PYGB: variants seen among roughly 807,000 people sequenced by gnomAD.
PYGB encodes the protein glycogen phosphorylase B.
A neutral mutation model predicts 94.3 loss-of-function variants in PYGB; 82 were observed. The observed-to-expected ratio is 0.87, with a 90% CI of 0.73 to 1.04. The LOEUF is 1.04. Among genes scored for constraint, PYGB ranks in the 50% least tolerant of loss-of-function variants. PYGB has a pLI of 0.00. For synonymous variants in PYGB, 488 were observed against 479.1 expected, an observed-to-expected ratio of 1.02 and a Z score of -0.24; for missense variants, 1,132 against 1,158.2, an observed-to-expected ratio of 0.98 and a Z score of 0.33.
At position 25,274,696 on chromosome 20, in the gene PYGB, C is replaced by A; in HGVS notation, c.633C>A (p.Pro211=). Residue 211 remains proline, a synonymous_variant, in exon 5 of 20, where the codon CCC becomes CCA. Coordinates refer to ENST00000216962, the MANE Select transcript of PYGB (RefSeq NM_002862.4). ...TCTACGGACGCGTGGAGCACACCCC[C>A]GACGGCGTGAAGTGGCTGGACACAC... ...VHFYGRVEHT[P]DGVKWLDTQV... The A allele has an allele frequency of 6.2e-7, 1 of 1,613,458 alleles. No homozygotes were observed. The highest frequency in any genetic ancestry group is 8.5e-7 in the Non-Finnish European group (1 of 1,179,946).
At chr20:25,276,092 A>G (rs1362680464) in intron 5 of PYGB, among the ~76,000 whole-genome samples, 2 of 151,878 alleles carry the variant, frequency 1.3e-5, no homozygotes, top group East Asian at 3.9e-4. Flanking sequence ...CTTGTCAAGG[A>G]GAGAGGGAGC....
intron 9 of PYGB, among the ~76,000 whole-genome samples, 181 bp downstream of exon 9, chr20:25,279,330 C>T (rs2088344785): frequency 6.6e-6 from 1 of 151,954 alleles, no homozygotes; most frequent in African/African-American, 2.4e-5. Flanking sequence ...GTTCCGGGGG[C>T]CAGAGTATGG....
intron 1 of PYGB, among the ~76,000 whole-genome samples, chr20:25,249,429 AC>A (rs2092881414): frequency 6.6e-6 from 1 of 152,216 alleles, no homozygotes; most frequent in African/African-American, 2.4e-5. Flanking sequence ...TCTTTCTACT[AC>A]ACTAACGTAG....
chr20:25,295,545 G>T, intron 18 of PYGB, 59 bp from the exon 19 acceptor site: 1 of 1,552,106 alleles, frequency 6.4e-7, no homozygotes, highest in South Asian at 1.1e-5. Context: ...CTCTCCCCTC[G>T]GGACAGTGTG....
intron 4 of PYGB, among the ~76,000 whole-genome samples, chr20:25,274,141 C>T (rs2088290163): frequency 6.6e-6 from 1 of 152,196 alleles, no homozygotes; most frequent in African/African-American, 2.4e-5. Flanking sequence ...CATTTTCATC[C>T]CTCCAGAAAG....
chr20:25,278,170 G>C, intron 7 of PYGB, 149 bp from the exon 8 acceptor site: 1 of 869,126 alleles, frequency 1.2e-6, no homozygotes, highest in Non-Finnish European at 1.7e-6. Context: ...AGTGACCTGA[G>C]GGCACACAGG....
chr20:25,285,176 G>T (rs113485274), intron 14 of PYGB: 1 of 152,188 alleles, frequency 6.6e-6, no homozygotes, highest in South Asian at 2.1e-4. Context: ...CCCCTCTGCC[G>T]TGTGGGCACC....
intron 11 of PYGB, among the ~76,000 whole-genome samples, chr20:25,281,634 G>A (rs1244707032): frequency 6.6e-6 from 1 of 152,212 alleles, no homozygotes; most frequent in Non-Finnish European, 1.5e-5. Context: ...GGCTCTGTGC[G>A]TGGCGCCCGC....
chr20:25,267,593 C>T (rs2387734), intron 2 of PYGB, among the ~76,000 whole-genome samples: 9,873 of 152,132 alleles, frequency 0.065, 990 homozygotes, highest in African/African-American at 0.22. Flanking sequence ...TGCAATGATA[C>T]GATCACGGCT....
At chr20:25,257,937 C>A (rs923752823) in intron 1 of PYGB, among the ~76,000 whole-genome samples, 1 of 152,122 alleles carries the variant, frequency 6.6e-6, no homozygotes, top group African/African-American at 2.4e-5. Context: ...AAATAAAATC[C>A]AGCATGATGA....
At chr20:25,256,001 G>A (rs1337931946) in intron 1 of PYGB, among the ~76,000 whole-genome samples, 1 of 152,140 alleles carries the variant, frequency 6.6e-6, no homozygotes, top group Non-Finnish European at 1.5e-5. Context: ...CCAAAGTGCT[G>A]GGATTATAGG....
intron 2 of PYGB, among the ~76,000 whole-genome samples, chr20:25,265,353 A>G (rs1340367750): frequency 6.6e-6 from 1 of 152,186 alleles, no homozygotes; most frequent in Non-Finnish European, 1.5e-5. Context: ...TACCAAAAGG[A>G]CACAAGAGTT....
chr20:25,295,715 C>A (rs779770864), intron 19 of PYGB, 45 bp downstream of exon 19: 1 of 1,543,012 alleles, frequency 6.5e-7, no homozygotes, highest in South Asian at 1.1e-5. Context: ...CTGGGTGGGT[C>A]CATGTAGACG....
In PYGB at chr20:25,278,478, G is replaced by A. The variant is rs756036397; in HGVS notation, c.999+16G>A. 6 of 1,613,142 alleles carry A rather than the reference G, an allele frequency of 3.7e-6. No homozygotes were observed. In the Admixed American group the frequency reaches 1.0e-4, roughly 27 times the overall value. On this transcript the variant is annotated intron_variant, in intron 8 of 19. Transcript: ENST00000216962. ...CCCAGACAAGGTGCATGGTGGCCCT[G>A]GGAGGGATCTCAGTGCCAGGGGCTG...
chr20:25,284,084 T>C lies in PYGB; in HGVS notation c.1621-20T>C, dbSNP rs149046592. On this transcript the variant is annotated intron_variant, in intron 13 of 19. Transcript: ENST00000216962. ...AGTCCTGGTGAAGTCTCCAGCCATCTTTCCCTTTCACCCTCCCAGGAGAAC... is the reference window on the plus strand; with the variant it reads ...AGTCCTGGTGAAGTCTCCAGCCATCCTTCCCTTTCACCCTCCCAGGAGAAC... 560 of 1,612,150 alleles carry C rather than the reference T, an allele frequency of 3.5e-4. 3 individuals carry two copies. In the African/African-American group the frequency reaches 4.4e-3, roughly 13 times the overall value.
chr20:25,248,450 G>T, intron 1 of PYGB, 29 bp downstream of exon 1: 1 of 1,349,980 alleles, frequency 7.4e-7, no homozygotes, highest in Non-Finnish European at 9.6e-7. Context: ...CTGTGCGCCC[G>T]TGCCCGCTGA....
intron 5 of PYGB, among the ~76,000 whole-genome samples, chr20:25,275,984 G>A (rs948773124): frequency 2.0e-5 from 3 of 152,244 alleles, no homozygotes; most frequent in Non-Finnish European, 4.4e-5. Context: ...TGCGCCTGCC[G>A]GGGAGCTGGG....
Position 25,280,294 on chromosome 20 carries a change from C to T in PYGB, c.1121C>T (p.Ala374Val), listed in dbSNP as rs540251614. 5 of 1,614,064 alleles carry T rather than the reference C, an allele frequency of 3.1e-6. No individual in the cohort carries two copies. Among genetic ancestry groups the T allele is most frequent in the Non-Finnish European group, 4.2e-6 (5 of 1,179,994 alleles). Residue 374 changes from alanine to valine, a missense_variant, in exon 10 of 20, where the codon GCA (alanine) becomes GTA (valine). Ala to Val is a moderately conservative substitution (Grantham distance 64, BLOSUM62 0). Transcript: ENST00000216962. The stretch of plus-strand genomic sequence containing the variant: ...TGGGAAATCACGAAGAAGACCTGTG[C>T]ATACACCAACCACACTGTGCTGCCT... ...KAWEITKKTC[A>V]YTNHTVLPEA... is the part of the protein sequence containing the mutation.
chr20:25,285,991 TAAC>T lies in PYGB; in HGVS notation c.1768+1741_1768+1743del, dbSNP rs2088414816. Among the ~76,000 whole-genome samples the T allele has an allele frequency of 2.0e-5, 3 of 152,222 alleles. No homozygotes were observed. In the South Asian group the frequency reaches 6.2e-4, roughly 32 times the overall value. ...TCGGTTTGGCTGAAGATGCCAGTCT[TAAC>T]TCCACTTCCTTCCCCCAGTGCTTTT... On this transcript the variant is annotated intron_variant, in intron 14 of 19. Transcript: ENST00000216962.
Sources: allele counts gnomAD v4.1 joint callset (sites outside exome capture counted in the v4.1 genomes callset), GRCh38; gene constraint gnomAD v4.1.1; transcripts MANE v1.5; gene names NCBI Gene and HGNC (gene_info 2026-07-23, HGNC 2026-07-21).